The following CTNNA1 variants were observed in gnomAD, a reference collection of about 807,000 sequenced individuals.
CTNNA1 encodes the protein catenin alpha-1.
CTNNA1 carries 37 observed loss-of-function variants against 98.4 expected under a neutral mutation model. That is an observed-to-expected ratio of 0.38 (90% CI 0.29 to 0.49). CTNNA1 has a LOEUF of 0.49. Among genes scored for constraint, CTNNA1 ranks in the 20% least tolerant of loss-of-function variants. CTNNA1 has a pLI of 0.95. For synonymous variants in CTNNA1, 404 were observed against 413.2 expected, an observed-to-expected ratio of 0.98 and a Z score of 0.27; for missense variants, 761 against 1,147.2, an observed-to-expected ratio of 0.66 and a Z score of 4.86.
At chr5:138,898,116 T>C (rs1165323453) in intron 9 of CTNNA1, among the ~76,000 whole-genome samples, 2 of 152,076 alleles carry the variant, frequency 1.3e-5, no homozygotes, top group African/African-American at 4.8e-5. Flanking sequence ...TGAGTTCTTA[T>C]GAGATCTGGT....
intron 3 of CTNNA1, among the ~76,000 whole-genome samples, chr5:138,789,639 G>A (rs1212224832): frequency 1.3e-5 from 2 of 152,150 alleles, no homozygotes; most frequent in Non-Finnish European, 2.9e-5. Flanking sequence ...TGTATTTTTA[G>A]TAGAGGTGGG....
intron 1 of CTNNA1, among the ~76,000 whole-genome samples, chr5:138,764,977 G>A (rs1034293457): frequency 2.0e-5 from 3 of 148,490 alleles, no homozygotes; most frequent in Admixed American, 6.9e-5. Flanking sequence ...GGATTCTAGC[G>A]ATTCTTCTGC....
At chr5:138,908,829 T>C (rs1759899060) in intron 10 of CTNNA1, among the ~76,000 whole-genome samples, 1 of 152,048 alleles carries the variant, frequency 6.6e-6, no homozygotes, top group African/African-American at 2.4e-5. Flanking sequence ...GGCTACTTTC[T>C]CTCACTCTTT....
chr5:138,866,468 A>G (rs1450113817), intron 7 of CTNNA1, among the ~76,000 whole-genome samples: 1 of 152,088 alleles, frequency 6.6e-6, no homozygotes, highest in Non-Finnish European at 1.5e-5. Context: ...TGAAAGCTAT[A>G]AAAAGGCTTT....
At chr5:138,781,838 A>G (rs2149651416) in intron 1 of CTNNA1, 85 bp from the exon 2 acceptor site, 1 of 1,307,784 alleles carries the variant, frequency 7.6e-7, no homozygotes, top group Non-Finnish European at 1.0e-6. Context: ...TCCTGATGCA[A>G]AAGTCCCAAA....
chr5:138,810,064 G>A lies in CTNNA1; in HGVS notation c.328G>A (p.Glu110Lys). The change falls in exon 4 of 18, where the codon GAG becomes AAG. Residue 110 changes from glutamate (E) to lysine (K), a missense_variant. Glu to Lys is a moderately conservative substitution (Grantham distance 56). Coordinates refer to ENST00000302763, the MANE Select transcript of CTNNA1 (RefSeq NM_001903.5). ...TGATTTGATGAAGGCTGCTGCAGGA[G>A]AGTTCGCAGATGATCCCTGCTCTTC... Reference protein sequence around the residue: ...QGDLMKAAAGEFADDPCSSVK... With the variant: ...QGDLMKAAAGKFADDPCSSVK... 1 of 1,612,518 alleles carries A rather than the reference G, an allele frequency of 6.2e-7. No individual in the cohort carries two copies. The highest frequency in any genetic ancestry group is 8.5e-7 in the Non-Finnish European group (1 of 1,178,618).
intron 7 of CTNNA1, among the ~76,000 whole-genome samples, chr5:138,837,369 TAA>T (rs1257042287): frequency 6.6e-6 from 1 of 152,100 alleles, no homozygotes; most frequent in African/African-American, 2.4e-5. Context: ...TTTTTATAAA[TAA>T]AGTTTTATTG....
Position 138,782,045 on chromosome 5 carries a change from CACAAAT to C in CTNNA1, c.105+20_105+25del. 6.2e-7 allele frequency: 1 copy of C among 1,604,180 alleles called. No homozygotes were observed. Among genetic ancestry groups the C allele is most frequent in the Non-Finnish European group, 8.5e-7 (1 of 1,176,262 alleles). Reference sequence around the variant, plus strand: ...TGTTACACAGGTAAGAATCTGAAAACACAAATACATTGTAACATGGTTCTATAGCAC... The same window carrying C: ...TGTTACACAGGTAAGAATCTGAAAACACATTGTAACATGGTTCTATAGCAC... On this transcript the variant is annotated intron_variant, in intron 2 of 17. Transcript: ENST00000302763.
chr5:138,803,362 C>A (rs958890821), intron 3 of CTNNA1, among the ~76,000 whole-genome samples: 1 of 152,216 alleles, frequency 6.6e-6, no homozygotes, highest in East Asian at 1.9e-4. Context: ...CACAATGTTA[C>A]GTAGGCTGGT....
At chr5:138,788,084 A>T (rs1432880076) in intron 3 of CTNNA1, among the ~76,000 whole-genome samples, 2 of 152,040 alleles carry the variant, frequency 1.3e-5, no homozygotes, top group East Asian at 3.8e-4. Context: ...TTATTTTAGG[A>T]TCCTGTTTAC....
chr5:138,775,892 T>G (rs1754075825), intron 1 of CTNNA1, among the ~76,000 whole-genome samples: 1 of 151,278 alleles, frequency 6.6e-6, no homozygotes, highest in East Asian at 1.9e-4. Flanking sequence ...CTGGCTAATT[T>G]TTTTTTTGTA....
At chr5:138,927,710 TAATGAATGAATGAATGAA>T (rs1376325687) in intron 13 of CTNNA1, among the ~76,000 whole-genome samples, 2 of 150,942 alleles carry the variant, frequency 1.3e-5, no homozygotes, top group Non-Finnish European at 2.9e-5. Context: ...GGCAGAGAGA[TAATGAATGAATGAATGAA>T]TGAATGAATG....
chr5:138,837,848 C>T (rs936832923), intron 7 of CTNNA1, among the ~76,000 whole-genome samples: 1 of 151,836 alleles, frequency 6.6e-6, no homozygotes, highest in African/African-American at 2.4e-5. Flanking sequence ...GTCTCAAACT[C>T]CTGGACTGAA....
intron 7 of CTNNA1, among the ~76,000 whole-genome samples, chr5:138,878,550 C>T (rs928369811): frequency 2.0e-5 from 3 of 152,160 alleles, no homozygotes; most frequent in Admixed American, 6.6e-5. Context: ...AAAATCTAAC[C>T]TGTCTCCTCT....
At chr5:138,835,070 G>T (rs757659347) in intron 7 of CTNNA1, among the ~76,000 whole-genome samples, 2 of 152,138 alleles carry the variant, frequency 1.3e-5, no homozygotes, top group African/African-American at 4.8e-5. Flanking sequence ...GGTGGGGAGG[G>T]TGTATTGTCA....
At chr5:138,776,623 G>A (rs1463539795) in intron 1 of CTNNA1, among the ~76,000 whole-genome samples, 1 of 152,018 alleles carries the variant, frequency 6.6e-6, no homozygotes, top group Non-Finnish European at 1.5e-5. Flanking sequence ...AGGAGCGGCC[G>A]GGCAGAGGCG....
At chr5:138,894,641 C>CTGATTATGATTATGATTA (rs111801577) in intron 9 of CTNNA1, among the ~76,000 whole-genome samples, 7 of 150,882 alleles carry the variant, frequency 4.6e-5, no homozygotes, top group East Asian at 3.9e-4. Context: ...TAGCAGCCTC[C>CTGATTATGATTATGATTA]TGATTATGAT....
chr5:138,807,714 CTCTT>C (rs1247693741), intron 3 of CTNNA1, among the ~76,000 whole-genome samples: 1 of 151,952 alleles, frequency 6.6e-6, no homozygotes, highest in Non-Finnish European at 1.5e-5. Flanking sequence ...TGCTTATTCT[CTCTT>C]GTTTGGTAGT....
chr5:138,761,533 A>G (rs977112756), intron 1 of CTNNA1, among the ~76,000 whole-genome samples: 2 of 152,066 alleles, frequency 1.3e-5, no homozygotes, highest in Non-Finnish European at 2.9e-5. Context: ...CCTGGCCCAC[A>G]CAGCTGTTTT....
Sources: allele counts gnomAD v4.1 joint callset (sites outside exome capture counted in the v4.1 genomes callset), GRCh38; gene constraint gnomAD v4.1.1; transcripts MANE v1.5; gene names NCBI Gene and HGNC (gene_info 2026-07-23, HGNC 2026-07-21).